SOX5: variants seen among roughly 807,000 people sequenced by gnomAD.
SOX5 encodes transcription factor SOX-5.
SOX5 carries 9 observed loss-of-function variants against 92.0 expected under a neutral mutation model. The ratio of observed to expected loss-of-function variants is 0.10; its 90% CI spans 0.06 to 0.17. SOX5 has a LOEUF of 0.17. Ranked by LOEUF, SOX5 falls within the 10% of genes least tolerant of loss-of-function variation. The pLI is 1.00. For missense variants in SOX5, 642 were observed against 944.5 expected, an observed-to-expected ratio of 0.68 and a Z score of 4.20; for synonymous variants, 344 against 336.3, an observed-to-expected ratio of 1.02 and a Z score of -0.25.
chr12:24,331,276 C>T (rs1194799957), intron 2 of SOX5: 1 of 152,228 alleles, frequency 6.6e-6, no homozygotes, highest in Non-Finnish European at 1.5e-5. Context: ...AGTCAACTCA[C>T]CTGCTATTTT....
intron 2 of SOX5, among the ~76,000 whole-genome samples, chr12:23,872,154 C>A (rs532693209): frequency 1.6e-5 from 2 of 125,234 alleles, no homozygotes; most frequent in African/African-American, 3.0e-5. Flanking sequence ...CCCGCCACCA[C>A]GCCCGGCTAA....
intron 8 of SOX5, among the ~76,000 whole-genome samples, chr12:23,613,442 A>T (rs2076199892): frequency 6.6e-6 from 1 of 152,136 alleles, no homozygotes; most frequent in South Asian, 2.1e-4. Flanking sequence ...CACTGTGAAA[A>T]ATAATATGGT....
At chr12:23,631,434 T>A (rs2078521100) in intron 8 of SOX5, among the ~76,000 whole-genome samples, 1 of 152,084 alleles carries the variant, frequency 6.6e-6, no homozygotes, top group Non-Finnish European at 1.5e-5. Context: ...AACTGAATAT[T>A]TCTGTTTTTC....
chr12:24,376,717 T>A (rs1190270738), intron 1 of SOX5, among the ~76,000 whole-genome samples: 4 of 44,814 alleles, frequency 8.9e-5, no homozygotes, highest in African/African-American at 3.6e-4. Flanking sequence ...TTTTTTTTTT[T>A]TTTTTTTTTT....
intron 9 of SOX5, among the ~76,000 whole-genome samples, chr12:23,603,015 T>TGG (rs1566218800): frequency 1.3e-5 from 2 of 152,112 alleles, no homozygotes; most frequent in Non-Finnish European, 2.9e-5. Flanking sequence ...GTGTGTACAA[T>TGG]AATTTTCATT....
chr12:23,904,303 T>C (rs2097267793), intron 1 of SOX5, among the ~76,000 whole-genome samples: 2 of 151,378 alleles, frequency 1.3e-5, no homozygotes, highest in Admixed American at 6.6e-5. Flanking sequence ...CCAATCTCCA[T>C]ACTTCTCTAC....
At chr12:24,211,138 A>G (rs1958565161) in intron 4 of SOX5, among the ~76,000 whole-genome samples, 1 of 152,046 alleles carries the variant, frequency 6.6e-6, no homozygotes, top group South Asian at 2.1e-4. Context: ...CACTCTTCAT[A>G]CTGACTCTTC....
At chr12:23,957,014 C>G (rs1426045052) in intron 4 of SOX5, among the ~76,000 whole-genome samples, 1 of 152,136 alleles carries the variant, frequency 6.6e-6, no homozygotes, top group Admixed American at 6.6e-5. Context: ...TCTAAGGTCC[C>G]TTTCAATTAC....
At chr12:24,404,383 T>C (rs1508229) in intron 1 of SOX5, among the ~76,000 whole-genome samples, 21,992 of 152,184 alleles carry the variant, frequency 0.14, 1,938 homozygotes, top group Non-Finnish European at 0.21. Context: ...ATTTGAACCC[T>C]GGCATAATTT....
chr12:23,769,135 A>C (rs1430213776), intron 3 of SOX5, among the ~76,000 whole-genome samples: 1 of 152,162 alleles, frequency 6.6e-6, no homozygotes, highest in African/African-American at 2.4e-5. Context: ...CAGCTTATAG[A>C]GTAGCACCCT....
intron 4 of SOX5, among the ~76,000 whole-genome samples, chr12:24,040,542 A>G (rs1956416733): frequency 6.6e-6 from 1 of 152,252 alleles, no homozygotes; most frequent in Non-Finnish European, 1.5e-5. Flanking sequence ...ACAAATATGA[A>G]ATATTTACTT....
chr12:24,432,447 T>C (rs1553673), intron 1 of SOX5, among the ~76,000 whole-genome samples: 1 of 152,172 alleles, frequency 6.6e-6, no homozygotes, highest in East Asian at 1.9e-4. Context: ...ATTTATAGTA[T>C]CCTGAATAAT....
At chr12:23,866,189 A>T (rs1209936310) in intron 2 of SOX5, among the ~76,000 whole-genome samples, 1 of 152,248 alleles carries the variant, frequency 6.6e-6, no homozygotes, top group East Asian at 1.9e-4. Context: ...ACACTATGGC[A>T]TAAGTATAAC....
chr12:24,297,962 C>T (rs928932891), intron 2 of SOX5, among the ~76,000 whole-genome samples: 1 of 152,126 alleles, frequency 6.6e-6, no homozygotes, highest in African/African-American at 2.4e-5. Flanking sequence ...TTAACTATTA[C>T]TGAAAAGCTA....
intron 1 of SOX5, among the ~76,000 whole-genome samples, chr12:24,377,237 G>A (rs1182796363): frequency 1.3e-5 from 2 of 152,136 alleles, no homozygotes; most frequent in African/African-American, 2.4e-5. Flanking sequence ...GACAGGGAAA[G>A]GTACTTTTAT....
At chr12:23,901,758 C>A (rs935097288) in intron 1 of SOX5, among the ~76,000 whole-genome samples, 8 of 152,170 alleles carry the variant, frequency 5.3e-5, no homozygotes, top group Non-Finnish European at 1.0e-4. Flanking sequence ...AGTACTTAGA[C>A]CCTTTCTGAA....
At chr12:23,616,923 G>A (rs1032970294) in intron 8 of SOX5, among the ~76,000 whole-genome samples, 3 of 151,886 alleles carry the variant, frequency 2.0e-5, no homozygotes, top group South Asian at 2.1e-4. Flanking sequence ...AGTTTGAGAC[G>A]AGCCTGGGCA....
intron 4 of SOX5, among the ~76,000 whole-genome samples, chr12:24,094,926 C>T (rs371885980): frequency 3.3e-5 from 5 of 151,982 alleles, no homozygotes; most frequent in African/African-American, 1.2e-4. Flanking sequence ...CAAATTTGTC[C>T]TCCTCTTCAA....
At chr12:24,480,803 G>T (rs1001117237) in intron 1 of SOX5, among the ~76,000 whole-genome samples, 1 of 151,926 alleles carries the variant, frequency 6.6e-6, no homozygotes, top group Non-Finnish European at 1.5e-5. Flanking sequence ...ATACTCTCTC[G>T]GTGGGAATGT....
Sources: gnomAD v4.1 joint callset for allele counts (sites outside exome capture counted in the v4.1 genomes callset) on GRCh38, gnomAD v4.1.1 for gene constraint, MANE v1.5 for transcripts, NCBI Gene and HGNC (gene_info 2026-07-23, HGNC 2026-07-21) for gene names.